HCK: variants seen among roughly 807,000 people sequenced by gnomAD.
HCK encodes the protein tyrosine-protein kinase HCK.
Under a neutral mutation model 70.4 loss-of-function variants are expected in HCK, and 40 were observed. The ratio of observed to expected loss-of-function variants is 0.57; its 90% confidence interval spans 0.44 to 0.74. HCK has a LOEUF of 0.74. Ranked by LOEUF, HCK falls within the 30% of genes least tolerant of loss-of-function variation. The probability of loss-of-function intolerance (pLI) is 0.00; values close to 1 mark genes in which losing one functional copy is unlikely to be tolerated. For missense variants in HCK, 568 were observed against 697.2 expected (o/e 0.81, Z 2.09); for synonymous variants, 245 against 263.2 (o/e 0.93, Z 0.67).
chr20:32,076,106 T>C (rs904766578), intron 5 of HCK, among the ~76,000 whole-genome samples: 3 of 152,142 alleles, frequency 2.0e-5, no homozygotes, highest in Non-Finnish European at 4.4e-5. Flanking sequence ...GCAGATCACC[T>C]GAGGTCAGGA....
chr20:32,094,751 A>AAGGG (rs1555877789), intron 11 of HCK, among the ~76,000 whole-genome samples: 98 of 87,928 alleles, frequency 1.1e-3, no homozygotes, highest in Non-Finnish European at 1.8e-3. Flanking sequence ...GAAAGAAAGA[A>AAGGG]AGAAAGAAAG....
intron 1 of HCK, among the ~76,000 whole-genome samples, chr20:32,067,760 G>A (rs952137450): frequency 6.6e-6 from 1 of 151,988 alleles, no homozygotes; most frequent in South Asian, 2.1e-4. Flanking sequence ...TGCATATGGT[G>A]GCTCTGAGCC....
chr20:32,086,463 CCA>C (rs1352349411), intron 8 of HCK, among the ~76,000 whole-genome samples, 163 bp from the exon 9 acceptor site: 1 of 152,220 alleles, frequency 6.6e-6, no homozygotes, highest in Non-Finnish European at 1.5e-5. Context: ...GCCTTTCAAC[CCA>C]CAGTTGTCTG....
rs149121640 is a variant in HCK at position 32,073,320 on chromosome 20, G to T, written c.185G>T (p.Gly62Val). 1 of 1,611,354 alleles carries T rather than the reference G, an allele frequency of 6.2e-7. No homozygotes were observed. Among genetic ancestry groups the T allele is most frequent in the South Asian group, 1.1e-5 (1 of 90,674 alleles). The change falls in exon 3 of 13, where the codon GGG becomes GTG. Residue 62 changes from glycine to valine, a missense_variant and splice_region_variant. Physicochemically the swap from Gly to Val is moderately radical, Grantham distance 109. Around this residue, in one of 4 missense-constraint regions of HCK, gnomAD observed 318 missense variants for 336.0 expected, o/e 0.95. Transcript: ENST00000375852. ...TCTTCTCTCATTTCTTCCCCACAGG[G>T]GCCTAATAGCCACAACAGCAACACA...
chr20:32,099,350 C>CTTTTTTTTTTTTTTTTTTTTTTT lies in HCK; in HGVS notation c.1378+218_1378+240dup, dbSNP rs71336559. ...CCTTCCTTCTCTCTCACTCCTATGA[C>CTTTTTTTTTTTTTTTTTTTTTTT]TTTTTTTTTTTTTTTTTTTTTTTTT... On this transcript the variant is annotated intron_variant, in intron 12 of 12. Coordinates refer to ENST00000375852, the MANE Select transcript of HCK (RefSeq NM_002110.5). Among the ~76,000 whole-genome samples the CTTTTTTTTTTTTTTTTTTTTTTT allele has an allele frequency of 9.4e-5, 8 of 85,172 alleles. 1 individual carries two copies. Among genetic ancestry groups the CTTTTTTTTTTTTTTTTTTTTTTT allele is most frequent in the African/African-American group, 5.2e-4 (8 of 15,518 alleles). 55.9% of individuals were successfully genotyped at this position (85,172 alleles called of 152,430 possible). A position where few individuals can be genotyped will look rare whatever the true frequency, so the allele number is the denominator to read the frequency against.
intron 6 of HCK, among the ~76,000 whole-genome samples, chr20:32,081,074 G>A (rs537109754): frequency 6.6e-5 from 10 of 152,120 alleles, no homozygotes; most frequent in Non-Finnish European, 1.3e-4. Context: ...GGGCAACAGA[G>A]CAAGACCCCA....
At chr20:32,093,510 T>TGG in intron 10 of HCK, among the ~76,000 whole-genome samples, 1 of 151,888 alleles carries the variant, frequency 6.6e-6, no homozygotes, top group African/African-American at 2.4e-5. Flanking sequence ...TGTGTGTGTG[T>TGG]GTGTGTGTGT....
intron 5 of HCK, among the ~76,000 whole-genome samples, chr20:32,076,262 G>T (rs2045624637): frequency 6.6e-6 from 1 of 152,142 alleles, no homozygotes; most frequent in African/African-American, 2.4e-5. Flanking sequence ...GGGGGCAGAG[G>T]TTGCAGTGAG....
intron 5 of HCK, among the ~76,000 whole-genome samples, chr20:32,075,912 A>G (rs1170541943): frequency 6.6e-6 from 1 of 152,182 alleles, no homozygotes; most frequent in Non-Finnish European, 1.5e-5. Context: ...AAAGTTGACA[A>G]ATGACAGTCC....
Position 32,071,683 on chromosome 20 carries a change from G to C in HCK, c.84G>C (p.Lys28Asn). 6.2e-7 allele frequency: 1 copy of C among 1,614,128 alleles called. No homozygotes were observed. The highest frequency in any genetic ancestry group is 8.5e-7 in the Non-Finnish European group (1 of 1,179,996). Residue 28 changes from lysine to asparagine, a missense_variant, in exon 2 of 13, where the codon AAG (lysine) becomes AAC (asparagine). By Grantham distance (94) the Lys-to-Asn change is moderately conservative. This residue lies in a region of HCK where 318 missense variants were observed against 336.0 expected (regional missense o/e 0.95). Transcript: ENST00000375852. Reference sequence around the variant, plus strand: ...GCAGGATGGGGTGCATGAAGTCCAAGTTCCTCCAGGTCGGAGGCAATACAT... The same window carrying C: ...GCAGGATGGGGTGCATGAAGTCCAACTTCCTCCAGGTCGGAGGCAATACAT...
chr20:32,087,590 C>G (rs549311082), intron 9 of HCK, among the ~76,000 whole-genome samples: 1 of 152,056 alleles, frequency 6.6e-6, no homozygotes, highest in African/African-American at 2.4e-5. Flanking sequence ...ACTTAGTCTC[C>G]CCAGTAGCTG....
At chr20:32,069,987 T>G (rs941181773) in intron 1 of HCK, among the ~76,000 whole-genome samples, 7 of 152,332 alleles carry the variant, frequency 4.6e-5, no homozygotes, top group East Asian at 3.9e-4. Context: ...TGTGCACATT[T>G]TGAGAAAAGA....
At chr20:32,085,743 G>A (rs987118181) in intron 8 of HCK, among the ~76,000 whole-genome samples, 4 of 152,118 alleles carry the variant, frequency 2.6e-5, no homozygotes, top group African/African-American at 9.7e-5. Flanking sequence ...AGGGTGGGGT[G>A]AGGGGAGGGA....
At chr20:32,052,651 G>T (rs1237080123) in intron 1 of HCK, among the ~76,000 whole-genome samples, 165 bp downstream of exon 1, 1 of 152,068 alleles carries the variant, frequency 6.6e-6, no homozygotes. Flanking sequence ...ATGAGGGGTC[G>T]ACAGCGAGTG....
rs781743797 is a variant in HCK, at chr20:32,086,791, G to A, written c.999G>A (p.Thr333=). 29 of 1,583,788 alleles carry A rather than the reference G, an allele frequency of 1.8e-5. No homozygotes were observed. The highest frequency in any genetic ancestry group is 2.3e-5 in the South Asian group (2 of 85,220). Residue 333 remains threonine, a synonymous_variant, in exon 9 of 13, where the codon ACG becomes ACA. Transcript: ENST00000375852. ...CCAAGGAGCCCATCTACATCATCAC[G>A]GAGTTCATGGCCAAAGGTGCTGCGT...
At chr20:32,094,803 A>AG (rs879707876) in intron 11 of HCK, among the ~76,000 whole-genome samples, 8,038 of 77,244 alleles carry the variant, frequency 0.1, 658 homozygotes, top group Non-Finnish European at 0.13. Flanking sequence ...GAAAGAAAGA[A>AG]AGAAAGAAAG....
At chr20:32,084,193 T>C in intron 7 of HCK, 150 bp downstream of exon 7, 1 of 1,065,188 alleles carries the variant, frequency 9.4e-7, no homozygotes, top group East Asian at 2.6e-5. Context: ...GGCTTAGGAC[T>C]GTTGAGCAGG....
Position 32,101,341 on chromosome 20 carries a change from G to A in HCK, c.1403G>A (p.Arg468Gln), listed in dbSNP as rs1377985749. 8.7e-6 allele frequency: 14 copies of A among 1,614,026 alleles called. No individual in the cohort carries two copies. The highest frequency in any genetic ancestry group is 2.7e-5 in the African/African-American group (2 of 74,932). Residue 468 changes from arginine to glutamine, a missense_variant, in exon 13 of 13, where the codon CGA becomes CAA. Arg to Gln is a conservative substitution (Grantham distance 43, BLOSUM62 1). Transcript: ENST00000375852. ...GGGATGTCAAACCCTGAAGTGATCC[G>A]AGCTCTGGAGCGTGGATACCGGATG...
At chr20:32,084,658 G>T (rs547926869) in intron 8 of HCK, 115 bp downstream of exon 8, 2 of 922,446 alleles carry the variant, frequency 2.2e-6, no homozygotes, top group African/African-American at 3.3e-5. Flanking sequence ...CAGAGGGGGA[G>T]ATTTAAATAA....
Sources: allele counts gnomAD v4.1 joint callset (sites outside exome capture counted in the v4.1 genomes callset), GRCh38; gene constraint gnomAD v4.1.1; regional missense constraint gnomAD v4.1.1; transcripts MANE v1.5; gene names NCBI Gene and HGNC (gene_info 2026-07-23, HGNC 2026-07-21).